EHMT1: variants seen among roughly 807,000 people sequenced by gnomAD.
EHMT1 encodes euchromatic histone lysine methyltransferase 1.
EHMT1 carries 15 observed loss-of-function variants against 147.2 expected under a neutral mutation model. That is an observed-to-expected ratio of 0.10 (90% CI 0.07 to 0.16). EHMT1 has a LOEUF of 0.16. EHMT1 is among the 10% of genes least tolerant of loss of function. The pLI, the probability that EHMT1 is intolerant of heterozygous loss-of-function variation, is 1.00. For missense variants in EHMT1, 1,587 were observed against 1,772.4 expected, an observed-to-expected ratio of 0.90 and a Z score of 1.88; for synonymous variants, 795 against 709.6, an observed-to-expected ratio of 1.12 and a Z score of -1.91.
intron 23 of EHMT1, 27 bp from the exon 24 acceptor site, chr9:137,817,412 G>T: frequency 6.2e-7 from 1 of 1,613,424 alleles, no homozygotes; most frequent in Non-Finnish European, 8.5e-7. Flanking sequence ...CTGTGGCCTG[G>T]GTTCACCACT....
chr9:137,689,004 C>T (rs1026929019), intron 1 of EHMT1, among the ~76,000 whole-genome samples: 2 of 152,148 alleles, frequency 1.3e-5, no homozygotes, highest in African/African-American at 4.8e-5. Flanking sequence ...GCTTGTTCTC[C>T]ATCCCCCAGG....
intron 1 of EHMT1, among the ~76,000 whole-genome samples, chr9:137,644,577 C>T (rs1466323044): frequency 2.0e-5 from 3 of 152,034 alleles, no homozygotes; most frequent in African/African-American, 4.8e-5. Flanking sequence ...CCACCCGCCT[C>T]GGCCTCCCAA....
chr9:137,711,432 C>T (rs957654629), intron 2 of EHMT1, among the ~76,000 whole-genome samples: 4 of 152,146 alleles, frequency 2.6e-5, no homozygotes, highest in Admixed American at 1.3e-4. Context: ...CGGTCAGCAG[C>T]CCAGAAGAGC....
chr9:137,831,572 G>T (rs1956189938), intron 25 of EHMT1, among the ~76,000 whole-genome samples: 1 of 152,194 alleles, frequency 6.6e-6, no homozygotes, highest in Non-Finnish European at 1.5e-5. Context: ...TTCTTTTTCT[G>T]TTTCTCCGCT....
chr9:137,657,498 C>CTTTT (rs545345887), intron 1 of EHMT1, among the ~76,000 whole-genome samples: 1 of 126,144 alleles, frequency 7.9e-6, no homozygotes, highest in African/African-American at 2.9e-5. Context: ...CACCTGGTTG[C>CTTTT]TTTTTTTTTT....
chr9:137,801,058 C>A lies in EHMT1; in HGVS notation c.2712+74C>A, dbSNP rs1211667855. 117 of 1,399,762 alleles carry A rather than the reference C, an allele frequency of 8.4e-5. 1 individual carries two copies. The highest frequency in any genetic ancestry group is 8.0e-6 in the Non-Finnish European group (8 of 996,182). 86.7% of individuals were successfully genotyped at this position (1,399,762 alleles called of 1,614,324 possible). The stretch of plus-strand genomic sequence containing the variant: ...ACCTCCTCCCCCAGAAGGTTCTTTT[C>A]TCAAAAGCAGAACCCTGGCACCTGG... On this transcript the variant is annotated intron_variant, in intron 18 of 26. Transcript: ENST00000460843.
intron 1 of EHMT1, chr9:137,667,043 G>A (rs1426646461): frequency 6.6e-6 from 1 of 152,214 alleles, no homozygotes; most frequent in Non-Finnish European, 1.5e-5. Flanking sequence ...CACAGCATGA[G>A]GAGGACGAGG....
At chr9:137,747,260 C>G (rs879597641) in intron 6 of EHMT1, 3 of 152,150 alleles carry the variant, frequency 2.0e-5, no homozygotes, top group Non-Finnish European at 4.4e-5. Flanking sequence ...CAGGTTCAAG[C>G]AATTCTCCTG....
At chr9:137,800,563 C>T (rs1295569579) in intron 17 of EHMT1, 5 of 419,616 alleles carry the variant, frequency 1.2e-5, no homozygotes, top group African/African-American at 6.0e-5. Context: ...ACTCGTTGCA[C>T]GCAGCTGTGT....
intron 1 of EHMT1, among the ~76,000 whole-genome samples, chr9:137,656,800 G>C (rs1376895986): frequency 1.3e-5 from 2 of 151,962 alleles, no homozygotes; most frequent in Non-Finnish European, 2.9e-5. Context: ...GAGTGCAATG[G>C]TGCCATCTTG....
chr9:137,743,658 A>T lies in EHMT1; in HGVS notation c.981+130A>T, dbSNP rs1424207998. On this transcript the variant is annotated intron_variant, in intron 5 of 26. Coordinates refer to ENST00000460843, the MANE Select transcript of EHMT1 (RefSeq NM_024757.5). ...GCCAGTGCCATGAAGCTCCTCTGCC[A>T]TAGGGGCAGAGTGTTCGTGTCCAAG... 5.0e-5 allele frequency: 69 copies of T among 1,375,036 alleles called. No individual in the cohort carries two copies. The Admixed American group carries it at 1.2e-3, about 23-fold the overall frequency. 85.2% of individuals were successfully genotyped at this position (1,375,036 alleles called of 1,614,324 possible).
At chr9:137,761,357 G>T (rs901483532) in intron 9 of EHMT1, among the ~76,000 whole-genome samples, 1 of 152,204 alleles carries the variant, frequency 6.6e-6, no homozygotes, top group Non-Finnish European at 1.5e-5. Flanking sequence ...GGTCAAGATG[G>T]CCTCCTTGGC....
chr9:137,773,951 A>G (rs921760117), intron 10 of EHMT1, among the ~76,000 whole-genome samples: 2 of 152,140 alleles, frequency 1.3e-5, no homozygotes, highest in South Asian at 2.1e-4. Context: ...TGTGCTGCAG[A>G]GTGCCTGGCA....
intron 4 of EHMT1, among the ~76,000 whole-genome samples, chr9:137,737,810 T>C (rs963391599): frequency 6.6e-6 from 1 of 152,156 alleles, no homozygotes; most frequent in African/African-American, 2.4e-5. Context: ...GGAGAAAATA[T>C]CTGCAAATCC....
intron 13 of EHMT1, 115 bp downstream of exon 13, chr9:137,778,170 G>A (rs537778821): frequency 1.2e-5 from 16 of 1,303,586 alleles, no homozygotes; most frequent in Admixed American, 1.9e-5. Flanking sequence ...AATGCTGTTC[G>A]TTAGAATAAT....
intron 25 of EHMT1, among the ~76,000 whole-genome samples, chr9:137,821,318 C>G (rs551369152): frequency 3.1e-5 from 2 of 63,980 alleles, no homozygotes; most frequent in East Asian, 1.1e-3. Context: ...TGCGCCCGGC[C>G]TTTTTTTTTT....
intron 4 of EHMT1, among the ~76,000 whole-genome samples, chr9:137,729,284 G>A (rs1946891505): frequency 1.3e-5 from 2 of 152,132 alleles, no homozygotes; most frequent in African/African-American, 4.8e-5. Flanking sequence ...GTCTTTTTCT[G>A]GACTTTAAAA....
intron 10 of EHMT1, 184 bp downstream of exon 10, chr9:137,763,004 C>A: frequency 1.3e-6 from 1 of 762,794 alleles, no homozygotes; most frequent in Non-Finnish European, 2.2e-6. Flanking sequence ...TGATGAAACA[C>A]AGGTCTAGAG....
At chr9:137,791,811 A>G (rs1952546466) in intron 16 of EHMT1, among the ~76,000 whole-genome samples, 1 of 152,172 alleles carries the variant, frequency 6.6e-6, no homozygotes, top group South Asian at 2.1e-4. Flanking sequence ...GGCCTACTGC[A>G]ACCTCCACCT....
Sources: gnomAD v4.1 joint callset for allele counts (sites outside exome capture counted in the v4.1 genomes callset) on GRCh38, gnomAD v4.1.1 for gene constraint, MANE v1.5 for transcripts, NCBI Gene and HGNC (gene_info 2026-07-23, HGNC 2026-07-21) for gene names.